The following MTG2 variants were observed in gnomAD, a reference collection of about 807,000 sequenced individuals.
The protein encoded by MTG2 is mitochondrial ribosome associated GTPase 2.
Under a neutral mutation model 28.6 loss-of-function variants are expected in MTG2, and 23 were observed. The ratio of observed to expected loss-of-function variants is 0.80; its 90% CI spans 0.58 to 1.14. The LOEUF (loss-of-function observed/expected upper bound fraction) is 1.14. Among genes scored for constraint, MTG2 ranks in the 50% most tolerant of loss-of-function variants. The probability of loss-of-function intolerance (pLI) is 0.00; values close to 1 mark genes in which losing one functional copy is unlikely to be tolerated. For synonymous variants in MTG2, 260 were observed against 251.8 expected (o/e 1.03, Z -0.31); for missense variants, 539 against 552.0 (o/e 0.98, Z 0.24).
At chr20:62,189,304 CAAAAAAAA>C (rs57267780) in intron 1 of MTG2, among the ~76,000 whole-genome samples, 1 of 132,814 alleles carries the variant, frequency 7.5e-6, no homozygotes, top group East Asian at 2.3e-4. Context: ...GACTCTGTCT[CAAAAAAAA>C]AAAAGAAAAA....
chr20:62,201,020 G>C lies in MTG2; in HGVS notation c.1164G>C (p.Leu388=), dbSNP rs572424775. 6.2e-7 allele frequency: 1 copy of C among 1,612,386 alleles called. No individual in the cohort carries two copies. The highest frequency in any genetic ancestry group is 2.2e-5 in the East Asian group (1 of 44,886). ...LEQLLLHLKV[L]YDAYAEAELG... The stretch of plus-strand genomic sequence containing the variant: ...AGCTGCTGTTGCACCTGAAGGTGCT[G>C]TATGACGCCTACGCGGAGGCCGAGC... Residue 388 remains leucine, a synonymous_variant, in exon 7 of 7, where the codon CTG becomes CTC. Transcript: ENST00000370823.
intron 3 of MTG2, 81 bp downstream of exon 3, chr20:62,196,030 T>TG: frequency 6.5e-7 from 1 of 1,536,934 alleles, no homozygotes; most frequent in Non-Finnish European, 8.8e-7. Flanking sequence ...ACCTGATGTA[T>TG]GGGCAGGCAC....
intron 4 of MTG2, chr20:62,198,195 A>C (rs1248272237): frequency 5.3e-6 from 3 of 561,038 alleles, no homozygotes; most frequent in African/African-American, 1.9e-5. Context: ...TCTAGTGAAA[A>C]AGTCATGAAA....
intron 2 of MTG2, 88 bp downstream of exon 2, chr20:62,193,712 C>A (rs970874640): frequency 8.0e-7 from 1 of 1,243,096 alleles, no homozygotes; most frequent in Non-Finnish European, 1.1e-6. Context: ...GGTCTCATCT[C>A]TGTTGATGTT....
rs74799203 is a variant in MTG2, at chr20:62,196,029, A to G, written c.352+80A>G. 1,082 of 1,536,208 alleles carry G rather than the reference A, an allele frequency of 7.0e-4. 7 individuals carry two copies. In the African/African-American group the frequency reaches 0.013, roughly 19 times the overall value. On this transcript the variant is annotated intron_variant, in intron 3 of 6. Transcript: ENST00000370823. The stretch of plus-strand genomic sequence containing the variant: ...TGCATTTGAACTAAAAACCTGATGT[A>G]TGGGCAGGCACAGTGGCTTATGCCT...
At chr20:62,198,344 C>G (rs889167282) in intron 4 of MTG2, 1 of 550,104 alleles carries the variant, frequency 1.8e-6, no homozygotes, top group Non-Finnish European at 3.3e-6. Flanking sequence ...TCACTCGTCT[C>G]TTAGATGTTT....
chr20:62,195,369 A>T (rs1010432768), intron 2 of MTG2, among the ~76,000 whole-genome samples: 2 of 152,198 alleles, frequency 1.3e-5, no homozygotes, highest in Non-Finnish European at 2.9e-5. Context: ...TCTCTATCGC[A>T]TCCTGGGAAA....
At position 62,201,239 on chromosome 20, in the gene MTG2, G is replaced by T. The variant is rs937062110; in HGVS notation, c.*162G>T. ...GCCTGAGATGCCCTCATGTTGGGAA[G>T]CATTCCGTGCCCCCTACCCCGCCTG... On this transcript the variant is annotated 3_prime_UTR_variant, in exon 7 of 7. Transcript: ENST00000370823. The T allele has an allele frequency of 2.0e-5, 17 of 868,662 alleles. No homozygotes were observed. In the Admixed American group the frequency reaches 4.8e-4, roughly 25 times the overall value. 53.8% of individuals were successfully genotyped at this position (868,662 alleles called of 1,614,324 possible). A position where few individuals can be genotyped will look rare whatever the true frequency, so the allele number is the denominator to read the frequency against.
intron 1 of MTG2, among the ~76,000 whole-genome samples, chr20:62,187,711 T>A (rs1266284331): frequency 6.6e-6 from 1 of 152,174 alleles, no homozygotes; most frequent in Non-Finnish European, 1.5e-5. Flanking sequence ...ACAGTGGAGG[T>A]TTGCGCTCTC....
In MTG2 at chr20:62,197,858, A is replaced by G. The variant is rs746473715; in HGVS notation, c.359A>G (p.Gln120Arg). The stretch of plus-strand genomic sequence containing the variant: ...ATTCTTGTTCTTGCTTTAGTTGACC[A>G]GCAAGTCAAGTCCCTGTCGTCGGTC... Reference protein sequence around the residue: ...NGGHVILRVDQQVKSLSSVLS... With the variant: ...NGGHVILRVDRQVKSLSSVLS... The change falls in exon 4 of 7, where the codon CAG (glutamine) becomes CGG (arginine). Residue 120 changes from glutamine to arginine, a missense_variant. Gln to Arg is a conservative substitution (Grantham distance 43). Transcript: ENST00000370823. 6.2e-7 allele frequency: 1 copy of G among 1,614,194 alleles called. No homozygotes were observed. Among genetic ancestry groups the G allele is most frequent in the South Asian group, 1.1e-5 (1 of 91,084 alleles).
chr20:62,183,501 C>T (rs2057766564), intron 1 of MTG2, among the ~76,000 whole-genome samples: 1 of 152,200 alleles, frequency 6.6e-6, no homozygotes, highest in Non-Finnish European at 1.5e-5. Context: ...AATATATACA[C>T]ATTTGGATGA....
chr20:62,185,617 T>A (rs1164524593), intron 1 of MTG2, among the ~76,000 whole-genome samples: 1 of 151,666 alleles, frequency 6.6e-6, no homozygotes, highest in Non-Finnish European at 1.5e-5. Flanking sequence ...AGCCTGGGAG[T>A]GAGACAGAGT....
chr20:62,195,842 G>T lies in MTG2; in HGVS notation c.245G>T (p.Gly82Val). Residue 82 changes from glycine to valine, a missense_variant, in exon 3 of 7, where the codon GGA becomes GTA. By Grantham distance (109) the Gly-to-Val change is moderately radical. Transcript: ENST00000370823. Reference sequence around the variant, plus strand: ...GACTATCGGAGAGTGCTTGTCTGTGGAGGAAACGGAGGCGCTGGGGCAAGC... The same window carrying T: ...GACTATCGGAGAGTGCTTGTCTGTGTAGGAAACGGAGGCGCTGGGGCAAGC... ...FVDYRRVLVC[G>V]GNGGAGASCF... 6.2e-7 allele frequency: 1 copy of T among 1,614,212 alleles called. No individual in the cohort carries two copies.
At chr20:62,183,558 G>A (rs2057768361) in intron 1 of MTG2, among the ~76,000 whole-genome samples, 1 of 152,218 alleles carries the variant, frequency 6.6e-6, no homozygotes, top group Admixed American at 6.5e-5. Context: ...TCAGGGAGAC[G>A]CATTTCCAGA....
chr20:62,189,653 G>A (rs1029334438), intron 1 of MTG2, among the ~76,000 whole-genome samples: 1 of 145,820 alleles, frequency 6.9e-6, no homozygotes, highest in African/African-American at 2.5e-5. Flanking sequence ...ATTAGAATTT[G>A]TAAACATTAA....
At chr20:62,184,872 G>T (rs111791931) in intron 1 of MTG2, among the ~76,000 whole-genome samples, 1 of 152,328 alleles carries the variant, frequency 6.6e-6, no homozygotes, top group South Asian at 2.1e-4. Flanking sequence ...CACTTTGGGG[G>T]GCCGAGGCAG....
intron 6 of MTG2, among the ~76,000 whole-genome samples, chr20:62,199,472 C>A (rs796978075): frequency 6.6e-6 from 1 of 151,666 alleles, no homozygotes; most frequent in Non-Finnish European, 1.5e-5. Context: ...GGTGAAACCC[C>A]GTCTCTACTA....
chr20:62,189,664 CTT>C (rs34528319), intron 1 of MTG2, among the ~76,000 whole-genome samples: 13 of 113,622 alleles, frequency 1.1e-4, no homozygotes, highest in Admixed American at 3.6e-4. Flanking sequence ...TAAACATTAA[CTT>C]TTTTTTTTTT....
In MTG2 at chr20:62,186,535, T is replaced by G. The variant is rs548750085; in HGVS notation, c.-6+3478T>G. Among the ~76,000 whole-genome samples, 157 of 148,066 alleles carry G rather than the reference T, an allele frequency of 1.1e-3. 1 individual carries two copies. The highest frequency in any genetic ancestry group is 7.7e-3 in the East Asian group (39 of 5,070). ...CCTGGGACTTTTTTTTTTGTTTTTT[T>G]TTTTTTTTTTTGAGATGGAGTCTTG... On this transcript the variant is annotated intron_variant, in intron 1 of 6. Transcript: ENST00000370823.
Sources: gnomAD v4.1 joint callset for allele counts (sites outside exome capture counted in the v4.1 genomes callset) on GRCh38, gnomAD v4.1.1 for gene constraint, MANE v1.5 for transcripts, NCBI Gene and HGNC (gene_info 2026-07-23, HGNC 2026-07-21) for gene names.